Variants in TMEM247 observed in about 807,000 individuals in gnomAD.
The protein encoded by TMEM247 is transmembrane protein ENSP00000343375.
A neutral mutation model predicts 20.7 loss-of-function variants in TMEM247; 23 were observed. That is an observed-to-expected ratio of 1.11 (90% CI 0.80 to 1.57). TMEM247 has a LOEUF of 1.57. TMEM247 is among the 40% of genes most tolerant of loss of function. TMEM247 has a pLI of 0.00. For missense variants in TMEM247, 354 were observed against 283.8 expected, an observed-to-expected ratio of 1.25 and a Z score of -1.78; for synonymous variants, 106 against 111.9, an observed-to-expected ratio of 0.95 and a Z score of 0.33.
At position 46,484,240 on chromosome 2, in the gene TMEM247, A is replaced by C. The variant is rs751273119; in HGVS notation, c.478-4A>C. On this transcript the variant is annotated splice_polypyrimidine_tract_variant and splice_region_variant and intron_variant, in intron 2 of 2. Coordinates refer to ENST00000434431, the Ensembl canonical transcript of TMEM247. ...TCATCTCCACTGTCTTCTCTCCCCC[A>C]CAGTTTTCAGGAGGCCTCCAGAACT... 40 of 1,545,434 alleles carry C rather than the reference A, an allele frequency of 2.6e-5. No individual in the cohort carries two copies. The African/African-American group carries it at 5.3e-4, about 21-fold the overall frequency.
rs1246644597 is a variant in TMEM247, at chr2:46,480,611, G to A, written c.324G>A (p.Lys108=). ...GCAATCCCGAGATGGAGCTGGAGAAGGTGCGCATGGAGTTCGAGCTCACGC... is the reference window on the plus strand; with the variant it reads ...GCAATCCCGAGATGGAGCTGGAGAAAGTGCGCATGGAGTTCGAGCTCACGC... Residue 108 remains lysine (K), a synonymous_variant, in exon 2 of 3, where the codon AAG becomes AAA. Transcript: ENST00000434431. The A allele has an allele frequency of 3.2e-6, 5 of 1,551,678 alleles. No homozygotes were observed. The East Asian group carries it at 7.3e-5, about 23-fold the overall frequency.
At chr2:46,482,016 A>G (rs774430339) in intron 2 of TMEM247, among the ~76,000 whole-genome samples, 2 of 152,202 alleles carry the variant, frequency 1.3e-5, no homozygotes, top group Non-Finnish European at 2.9e-5. Context: ...CAAAATTAAG[A>G]TATTACATTA....
intron 2 of TMEM247, 60 bp from the exon 3 acceptor site, chr2:46,484,184 C>G: frequency 6.8e-7 from 1 of 1,464,090 alleles, no homozygotes; most frequent in Non-Finnish European, 9.2e-7. Flanking sequence ...AGGACTGAAC[C>G]TAGATCTGCC....
At chr2:46,480,430 C>G (rs1219785462) in exon 2 of TMEM247, 2 of 1,550,064 alleles carry the variant, frequency 1.3e-6, no homozygotes, top group Non-Finnish European at 8.7e-7. Context: ...AAGCCAGACT[C>G]CTCCTATGAC....
intron 2 of TMEM247, among the ~76,000 whole-genome samples, chr2:46,483,488 G>A (rs947590655): frequency 2.0e-5 from 3 of 152,206 alleles, no homozygotes; most frequent in Admixed American, 2.0e-4. Flanking sequence ...TTATATGCAA[G>A]GGACACCATG....
chr2:46,483,201 A>G (rs1052209988), intron 2 of TMEM247, among the ~76,000 whole-genome samples: 6 of 152,244 alleles, frequency 3.9e-5, no homozygotes, highest in Non-Finnish European at 7.3e-5. Flanking sequence ...TCAAAATAAT[A>G]TCAGCTTTTG....
At chr2:46,484,098 T>G in intron 2 of TMEM247, 146 bp from the exon 3 acceptor site, 1 of 715,720 alleles carries the variant, frequency 1.4e-6, no homozygotes, top group Non-Finnish European at 2.2e-6. Flanking sequence ...GCCCTCATGA[T>G]TTTGGAAATG....
At chr2:46,484,158 C>G (rs1170227133) in intron 2 of TMEM247, 86 bp from the exon 3 acceptor site, 8 of 1,203,966 alleles carry the variant, frequency 6.6e-6, no homozygotes, top group African/African-American at 1.5e-5. Flanking sequence ...AGGTCACATA[C>G]AGGCAGGGTC....
At chr2:46,484,274 C>T (rs550409679) in exon 3 of TMEM247, 177 of 1,551,486 alleles carry the variant, frequency 1.1e-4, no homozygotes, top group Non-Finnish European at 1.5e-4. Flanking sequence ...CTTCCTGCTG[C>T]CCCAGAACCA....
intron 1 of TMEM247, among the ~76,000 whole-genome samples, chr2:46,480,036 CCT>C (rs1686848131): frequency 6.6e-6 from 1 of 152,092 alleles, no homozygotes; most frequent in African/African-American, 2.4e-5. Context: ...TTTCTTTCTC[CCT>C]CTGTAACTTC....
chr2:46,483,798 T>C (rs1036369632), intron 2 of TMEM247, among the ~76,000 whole-genome samples: 1 of 151,938 alleles, frequency 6.6e-6, no homozygotes, highest in Non-Finnish European at 1.5e-5. Flanking sequence ...TTTTGTTTTA[T>C]TTTTTTAAGA....
intron 1 of TMEM247, 131 bp from the exon 2 acceptor site, chr2:46,480,274 T>C: frequency 9.2e-7 from 1 of 1,083,686 alleles, no homozygotes; most frequent in Non-Finnish European, 1.3e-6. Context: ...CTAATAAGAA[T>C]TCAGCCTAGA....
chr2:46,483,584 C>T lies in TMEM247; in HGVS notation c.478-660C>T, dbSNP rs78119167. On this transcript the variant is annotated intron_variant, in intron 2 of 2. Coordinates refer to ENST00000434431, the Ensembl canonical transcript of TMEM247. Reference sequence around the variant, plus strand: ...CAAGACCCAACATCCACATGTGGGGCTCTTGGAGTCAGAGGGAGAAGACCC... The same window carrying T: ...CAAGACCCAACATCCACATGTGGGGTTCTTGGAGTCAGAGGGAGAAGACCC... Among the ~76,000 whole-genome samples, 134 of 152,340 alleles carry T rather than the reference C, an allele frequency of 8.8e-4. 5 individuals are homozygous for T. The East Asian group carries it at 0.018, about 20-fold the overall frequency.
In TMEM247 at chr2:46,483,612, G is replaced by C. The variant is rs563073506; in HGVS notation, c.478-632G>C. ...TTGGAGTCAGAGGGAGAAGACCCACGTGTGTGGCTCCAATGGGCCGTACAG... is the reference window on the plus strand; with the variant it reads ...TTGGAGTCAGAGGGAGAAGACCCACCTGTGTGGCTCCAATGGGCCGTACAG... On this transcript the variant is annotated intron_variant, in intron 2 of 2. Transcript: ENST00000434431. Among the ~76,000 whole-genome samples the C allele has an allele frequency of 2.0e-5, 3 of 152,304 alleles. No homozygotes were observed. The South Asian group carries it at 6.2e-4, about 32-fold the overall frequency.
intron 2 of TMEM247, among the ~76,000 whole-genome samples, chr2:46,482,313 T>C (rs1004857136): frequency 3.9e-5 from 6 of 152,196 alleles, no homozygotes; most frequent in African/African-American, 1.4e-4. Flanking sequence ...CACTTCCTAA[T>C]ATTTTTGAAT....
chr2:46,483,670 G>A (rs1384175894), intron 2 of TMEM247, among the ~76,000 whole-genome samples: 1 of 152,224 alleles, frequency 6.6e-6, no homozygotes, highest in East Asian at 1.9e-4. Flanking sequence ...GTGGCCTGGC[G>A]CCCCAGTCAG....
intron 2 of TMEM247, among the ~76,000 whole-genome samples, chr2:46,484,010 C>T (rs1210114012): frequency 6.6e-6 from 1 of 152,124 alleles, no homozygotes; most frequent in Non-Finnish European, 1.5e-5. Flanking sequence ...AGGCTGGTCT[C>T]AAACTCCTGG....
intron 2 of TMEM247, among the ~76,000 whole-genome samples, chr2:46,483,800 T>A (rs899122490): frequency 2.0e-5 from 3 of 152,220 alleles, no homozygotes; most frequent in African/African-American, 7.2e-5. Flanking sequence ...TTGTTTTATT[T>A]TTTTAAGAAA....
intron 2 of TMEM247, among the ~76,000 whole-genome samples, chr2:46,481,535 A>G (rs930105197): frequency 6.6e-6 from 1 of 152,210 alleles, no homozygotes; most frequent in Non-Finnish European, 1.5e-5. Flanking sequence ...TGGGCAAATT[A>G]CTAATTTCCT....
Sources: allele counts gnomAD v4.1 joint callset (sites outside exome capture counted in the v4.1 genomes callset), GRCh38; gene constraint gnomAD v4.1.1; transcripts MANE v1.5; gene names NCBI Gene and HGNC (gene_info 2026-07-23, HGNC 2026-07-21).